The following ARHGAP39 variants were observed in gnomAD, a reference collection of about 807,000 sequenced individuals.
ARHGAP39 encodes the protein rho GTPase-activating protein 39.
A neutral mutation model predicts 106.9 loss-of-function variants in ARHGAP39; 44 were observed. The observed-to-expected ratio is 0.41, with a 90% confidence interval of 0.32 to 0.53. The LOEUF (loss-of-function observed/expected upper bound fraction) is 0.53, where lower values mean the gene tolerates loss of function less well. Ranked by LOEUF, ARHGAP39 falls within the 20% of genes least tolerant of loss-of-function variation. ARHGAP39 has a pLI of 0.21. For missense variants in ARHGAP39, 1,496 were observed against 1,577.3 expected, an observed-to-expected ratio of 0.95 and a Z score of 0.87; for synonymous variants, 768 against 693.2, an observed-to-expected ratio of 1.11 and a Z score of -1.69.
At chr8:144,630,873 T>C (rs1015514845) in intron 1 of ARHGAP39, among the ~76,000 whole-genome samples, 19 of 152,274 alleles carry the variant, frequency 1.2e-4, no homozygotes, top group African/African-American at 4.1e-4. Flanking sequence ...CCATCTGTAA[T>C]AGGCCATTCT....
At chr8:144,686,609 C>A (rs1403501747), upstream of ARHGAP39, among the ~76,000 whole-genome samples, 1 of 152,178 alleles carries the variant, frequency 6.6e-6, no homozygotes, top group Admixed American at 6.5e-5. Context: ...TGGAGCTCCA[C>A]CTCCTGCCCT....
intron 6 of ARHGAP39, among the ~76,000 whole-genome samples, chr8:144,540,762 T>C (rs1341153816): frequency 6.6e-6 from 1 of 152,040 alleles, no homozygotes; most frequent in East Asian, 1.9e-4. Flanking sequence ...ACGTCACCAC[T>C]GCACTTCCCT....
chr8:144,655,652 C>T (rs1273144275), intron 1 of ARHGAP39, among the ~76,000 whole-genome samples: 3 of 152,158 alleles, frequency 2.0e-5, no homozygotes, highest in Non-Finnish European at 4.4e-5. Flanking sequence ...CACTGCAGGT[C>T]TCCTCTGAGC....
At chr8:144,570,901 G>A (rs1426762539) in intron 3 of ARHGAP39, among the ~76,000 whole-genome samples, 1 of 152,070 alleles carries the variant, frequency 6.6e-6, no homozygotes, top group African/African-American at 2.4e-5. Context: ...ATAAATTCCT[G>A]GACACATACA....
chr8:144,622,478 C>T (rs531382374), intron 1 of ARHGAP39, among the ~76,000 whole-genome samples: 5 of 151,942 alleles, frequency 3.3e-5, no homozygotes, highest in Admixed American at 6.5e-5. Flanking sequence ...CACAATGACC[C>T]GAGGGCCAGA....
chr8:144,637,478 C>T (rs1486221789), intron 1 of ARHGAP39, among the ~76,000 whole-genome samples: 1 of 151,984 alleles, frequency 6.6e-6, no homozygotes, highest in Non-Finnish European at 1.5e-5. Flanking sequence ...GGCATGGTGG[C>T]GGGTGCCTGT....
chr8:144,552,749 C>G (rs1447075356), intron 4 of ARHGAP39, among the ~76,000 whole-genome samples: 3 of 152,082 alleles, frequency 2.0e-5, no homozygotes, highest in African/African-American at 7.2e-5. Flanking sequence ...AGTAGCACGC[C>G]TTCACTGTAC....
At chr8:144,601,713 G>A (rs1819964434) in intron 2 of ARHGAP39, among the ~76,000 whole-genome samples, 1 of 140,606 alleles carries the variant, frequency 7.1e-6, no homozygotes, top group Non-Finnish European at 1.5e-5. Context: ...GTGTGTGTGT[G>A]AGCTCATGTA....
rs1046318827 is a variant in ARHGAP39 at position 144,604,537 on chromosome 8, C to A, written c.80+998G>T. Among the ~76,000 whole-genome samples the A allele has an allele frequency of 6.6e-6, 1 of 152,148 alleles. No individual in the cohort carries two copies. Among genetic ancestry groups the A allele is most frequent in the African/African-American group, 2.4e-5 (1 of 41,426 alleles). ...AGACCATAGGCATCTGCCACCACAT[C>A]TGGCTAATTTTTGTATTTTTTGTAG... On this transcript the variant is annotated intron_variant, in intron 2 of 11. Coordinates refer to ENST00000377307, the MANE Select transcript of ARHGAP39 (RefSeq NM_025251.3). The surrounding 1 kb of genome is among the most constrained non-coding windows in gnomAD (Gnocchi z 4.1).
chr8:144,593,643 A>G (rs1283355126), intron 2 of ARHGAP39, among the ~76,000 whole-genome samples: 1 of 152,112 alleles, frequency 6.6e-6, no homozygotes, highest in Non-Finnish European at 1.5e-5. Context: ...AGGATGGGAG[A>G]AAACACCTGC....
At chr8:144,649,919 C>A (rs751863357) in intron 1 of ARHGAP39, among the ~76,000 whole-genome samples, 1 of 151,926 alleles carries the variant, frequency 6.6e-6, no homozygotes, top group South Asian at 2.1e-4. Context: ...CCAAGGTAGG[C>A]GGATCACAAG....
chr8:144,604,802 G>C lies in ARHGAP39; in HGVS notation c.80+733C>G, dbSNP rs547877676. ...AACAAGCGTCCTGGGCTACCTGGAA[G>C]ACGTCCTGAGGGAGCTCACGCTCTC... On this transcript the variant is annotated intron_variant, in intron 2 of 11. Coordinates refer to ENST00000377307, the MANE Select transcript of ARHGAP39 (RefSeq NM_025251.3). The surrounding 1 kb of genome is among the most constrained non-coding windows in gnomAD (Gnocchi z 4.1). 6.6e-6 allele frequency among the ~76,000 whole-genome samples: 1 copy of C among 152,338 alleles called. No individual in the cohort carries two copies. The highest frequency in any genetic ancestry group is 1.9e-4 in the East Asian group (1 of 5,182).
intron 1 of ARHGAP39, among the ~76,000 whole-genome samples, chr8:144,607,766 G>A (rs984783288): frequency 2.0e-5 from 3 of 152,202 alleles, no homozygotes; most frequent in African/African-American, 7.2e-5. Flanking sequence ...CACAAGCGGG[G>A]TAACCACCTC....
At chr8:144,642,665 CTG>C (rs1821341976) in intron 1 of ARHGAP39, among the ~76,000 whole-genome samples, 1 of 152,104 alleles carries the variant, frequency 6.6e-6, no homozygotes, top group Non-Finnish European at 1.5e-5. Context: ...GTTCTCATGA[CTG>C]TGAATAAGTG....
chr8:144,628,940 G>A (rs1052489987), intron 1 of ARHGAP39, among the ~76,000 whole-genome samples: 6 of 151,848 alleles, frequency 4.0e-5, no homozygotes, highest in Non-Finnish European at 8.8e-5. Flanking sequence ...TCACTTTTGC[G>A]CCCGGGAGGA....
intron 3 of ARHGAP39, 86 bp downstream of exon 3, chr8:144,580,760 C>A: frequency 1.3e-5 from 2 of 150,978 alleles, no homozygotes; most frequent in Non-Finnish European, 2.7e-5. Context: ...CTCACCTGGC[C>A]CCGCCCACCA....
chr8:144,685,094 C>T (rs1822544780), intron 1 of ARHGAP39, among the ~76,000 whole-genome samples: 1 of 151,934 alleles, frequency 6.6e-6, no homozygotes, highest in Non-Finnish European at 1.5e-5. Flanking sequence ...GGCGGGGTCC[C>T]CTCACACCCC....
At chr8:144,682,949 C>T (rs1033441388) in intron 1 of ARHGAP39, among the ~76,000 whole-genome samples, 3 of 150,272 alleles carry the variant, frequency 2.0e-5, no homozygotes, top group Non-Finnish European at 3.0e-5. Flanking sequence ...CACAGGAGGT[C>T]AAGGCTGCAG....
Position 144,644,836 on chromosome 8 carries a change from C to A in ARHGAP39, c.-81-39141G>T, listed in dbSNP as rs1821403147. On this transcript the variant is annotated intron_variant, in intron 1 of 11. Coordinates refer to ENST00000377307, the MANE Select transcript of ARHGAP39 (RefSeq NM_025251.3). The surrounding 1 kb of genome is among the most constrained non-coding windows in gnomAD (Gnocchi z 4.8). ...ACCAAACCCAAGCCCTGTACCTTCACCCTACACCTGAGCCCCTTCCTCAGG... is the reference window on the plus strand; with the variant it reads ...ACCAAACCCAAGCCCTGTACCTTCAACCTACACCTGAGCCCCTTCCTCAGG... 6.6e-6 allele frequency among the ~76,000 whole-genome samples: 1 copy of A among 152,256 alleles called. No homozygotes were observed. Among genetic ancestry groups the A allele is most frequent in the Non-Finnish European group, 1.5e-5 (1 of 68,048 alleles).
Sources: gnomAD v4.1 joint callset for allele counts (sites outside exome capture counted in the v4.1 genomes callset) on GRCh38, gnomAD v4.1.1 for gene constraint, Gnocchi (gnomAD v3.1) non-coding constraint, MANE v1.5 for transcripts, NCBI Gene and HGNC (gene_info 2026-07-23, HGNC 2026-07-21) for gene names.